RSPH14: variants seen among roughly 807,000 people sequenced by gnomAD.
RSPH14 encodes the protein radial spoke head 14 homolog.
Under a neutral mutation model 26.7 loss-of-function variants are expected in RSPH14, and 20 were observed. That is an observed-to-expected ratio of 0.75 (90% CI 0.53 to 1.09). The LOEUF (loss-of-function observed/expected upper bound fraction) is 1.09, where lower values mean the gene tolerates loss of function less well. Among genes scored for constraint, RSPH14 ranks in the 50% least tolerant of loss-of-function variants. The pLI is 0.00. For synonymous variants in RSPH14, 177 were observed against 189.3 expected (o/e 0.93, Z 0.53); for missense variants, 449 against 457.2 (o/e 0.98, Z 0.16).
At chr22:23,083,327 A>T (rs1328463863) in intron 4 of RSPH14, among the ~76,000 whole-genome samples, 1 of 152,042 alleles carries the variant, frequency 6.6e-6, no homozygotes, top group East Asian at 1.9e-4. Flanking sequence ...CAGGGATATC[A>T]CGGGCTCCAG....
chr22:23,103,040 C>G, intron 4 of RSPH14, among the ~76,000 whole-genome samples: 1 of 152,160 alleles, frequency 6.6e-6, no homozygotes, highest in Non-Finnish European at 1.5e-5. Flanking sequence ...CGGCACCATG[C>G]CAGGCAGGGC....
At chr22:23,096,959 G>A (rs2069143668) in intron 4 of RSPH14, among the ~76,000 whole-genome samples, 1 of 152,228 alleles carries the variant, frequency 6.6e-6, no homozygotes, top group Non-Finnish European at 1.5e-5. Context: ...GGGCTTGAGA[G>A]TGGAGTTGCT....
chr22:23,130,159 GAAA>G (rs901029431), intron 4 of RSPH14, among the ~76,000 whole-genome samples: 2 of 131,270 alleles, frequency 1.5e-5, no homozygotes, highest in Admixed American at 7.7e-5. Flanking sequence ...AAGAAAGAAA[GAAA>G]AAGAAAAAGA....
chr22:23,095,721 A>C, intron 4 of RSPH14: 1 of 1,610,282 alleles, frequency 6.2e-7, no homozygotes, highest in Non-Finnish European at 8.5e-7. Context: ...AGCTCAGAGG[A>C]AAAAGAAGCA....
At chr22:23,070,308 C>T (rs1160118760) in intron 4 of RSPH14, 1 of 145,562 alleles carries the variant, frequency 6.9e-6, no homozygotes, top group Non-Finnish European at 1.5e-5. Flanking sequence ...GCGGCTCCGC[C>T]CCCTGCCGGC....
At chr22:23,078,051 C>T (rs997358942) in intron 4 of RSPH14, among the ~76,000 whole-genome samples, 2 of 152,218 alleles carry the variant, frequency 1.3e-5, no homozygotes, top group African/African-American at 4.8e-5. Context: ...CCCACCCAGC[C>T]CTCTTGCTTC....
chr22:23,150,241 C>T, the RSPH14 span: 3 of 1,070,454 alleles, frequency 2.8e-6, no homozygotes, highest in South Asian at 1.3e-5. Context: ...AAATGAAACA[C>T]ACACACGAGG....
chr22:23,173,811 G>A, the RSPH14 span, among the ~76,000 whole-genome samples: 5 of 151,582 alleles, frequency 3.3e-5, no homozygotes, highest in South Asian at 2.1e-4. Flanking sequence ...GGGTTCCAGC[G>A]ATTCTCTTGC....
At chr22:23,144,777 G>C (rs535039337), upstream of RSPH14, among the ~76,000 whole-genome samples, 1 of 152,086 alleles carries the variant, frequency 6.6e-6, no homozygotes, top group African/African-American at 2.4e-5. Flanking sequence ...GTGTACCAAG[G>C]CTTCCATATT....
chr22:23,134,390 A>T (rs1022407140), intron 3 of RSPH14, among the ~76,000 whole-genome samples: 2 of 152,034 alleles, frequency 1.3e-5, no homozygotes, highest in Non-Finnish European at 2.9e-5. Flanking sequence ...TTGCCTCCAC[A>T]TCTATGTACA....
At chr22:23,064,213 G>C in intron 4 of RSPH14, 80 bp from the exon 5 acceptor site, 1 of 1,349,800 alleles carries the variant, frequency 7.4e-7, no homozygotes, top group Non-Finnish European at 1.0e-6. Context: ...AGGGCTCAAG[G>C]AGGGTCTTGC....
At chr22:23,097,798 A>T (rs747873891) in intron 4 of RSPH14, among the ~76,000 whole-genome samples, 11 of 152,222 alleles carry the variant, frequency 7.2e-5, no homozygotes, top group Non-Finnish European at 1.6e-4. Context: ...AGGCAAAGTG[A>T]GGTGCTCAGG....
chr22:23,153,072 C>T, the RSPH14 span: 1 of 1,614,012 alleles, frequency 6.2e-7, no homozygotes, highest in Non-Finnish European at 8.5e-7. Flanking sequence ...ACAAGGCCAC[C>T]ATTGGGGTGG....
intron 4 of RSPH14, among the ~76,000 whole-genome samples, chr22:23,077,619 CAAGGTGACT>C (rs919323455): frequency 7.2e-5 from 11 of 152,014 alleles, no homozygotes; most frequent in African/African-American, 2.7e-4. Flanking sequence ...GAGGAGGGGG[CAAGGTGACT>C]AAGGAGGGCT....
intron 4 of RSPH14, among the ~76,000 whole-genome samples, chr22:23,115,985 A>G (rs1324369289): frequency 6.6e-6 from 1 of 152,218 alleles, no homozygotes; most frequent in African/African-American, 2.4e-5. Flanking sequence ...GGCCAAGCAC[A>G]CCAGGAAGGT....
intron 4 of RSPH14, chr22:23,070,389 G>GCGGGCGGAGGGAACCAGGC (rs1305506077): frequency 7.3e-6 from 1 of 136,604 alleles, no homozygotes; most frequent in African/African-American, 2.6e-5. Context: ...GCGCGGGAGG[G>GCGGGCGGAGGGAACCAGGC]CGGGCGGAGG....
chr22:23,144,535 C>A, upstream of RSPH14, among the ~76,000 whole-genome samples: 1 of 152,260 alleles, frequency 6.6e-6, no homozygotes. Flanking sequence ...TAAGCCTCAA[C>A]CTTAGCAGTG....
chr22:23,141,774 G>A (rs1418493133), intron 1 of RSPH14, among the ~76,000 whole-genome samples, 175 bp downstream of exon 1: 1 of 152,244 alleles, frequency 6.6e-6, no homozygotes, highest in Non-Finnish European at 1.5e-5. Context: ...TCACAGGAAC[G>A]GTGGGTGCTG....
At chr22:23,169,700 C>T in the RSPH14 span, among the ~76,000 whole-genome samples, 1 of 152,124 alleles carries the variant, frequency 6.6e-6, no homozygotes, top group African/African-American at 2.4e-5. Context: ...ACCTCAGTTC[C>T]AGGCTGGCCC....
Sources: allele counts gnomAD v4.1 joint callset (sites outside exome capture counted in the v4.1 genomes callset), GRCh38; gene constraint gnomAD v4.1.1; transcripts MANE v1.5; gene names NCBI Gene and HGNC (gene_info 2026-07-23, HGNC 2026-07-21).